Variants in BABAM2 observed in about 807,000 individuals in gnomAD.
The protein encoded by BABAM2 is BRISC and BRCA1 A complex member 2, also known as BRISC and BRCA1-A complex member 2.
In BABAM2, 31 loss-of-function variants were observed where a neutral mutation model predicts 54.7. The observed-to-expected ratio is 0.57, with a 90% CI of 0.43 to 0.77. BABAM2 has a LOEUF of 0.77. BABAM2 is among the 30% of genes least tolerant of loss of function. The pLI, the probability that BABAM2 is intolerant of heterozygous loss-of-function variation, is 0.00. For missense variants in BABAM2, 364 were observed against 455.8 expected (o/e 0.80, Z 1.83); for synonymous variants, 167 against 162.9 (o/e 1.03, Z -0.19).
At chr2:27,914,322 A>G (rs1466237435) in intron 2 of BABAM2, among the ~76,000 whole-genome samples, 1 of 152,140 alleles carries the variant, frequency 6.6e-6, no homozygotes, top group Non-Finnish European at 1.5e-5. Flanking sequence ...AGCTCTTGTC[A>G]CAATATAGAA....
At chr2:28,027,453 C>A (rs1359965092) in intron 5 of BABAM2, among the ~76,000 whole-genome samples, 1 of 152,220 alleles carries the variant, frequency 6.6e-6, no homozygotes, top group Non-Finnish European at 1.5e-5. Flanking sequence ...TCCCTCATGT[C>A]CACTTACAGT....
In BABAM2 at chr2:28,267,438, T is replaced by TACAC. The variant is rs35450423; in HGVS notation, c.934+22601_934+22604dup. ...TACACTGACTAGACACACACACACA[T>TACAC]ACACACACACACACACACACACACA... On this transcript the variant is annotated intron_variant, in intron 10 of 11. Transcript: ENST00000379624. Among the ~76,000 whole-genome samples the TACAC allele has an allele frequency of 3.3e-3, 475 of 141,828 alleles. 3 individuals carry two copies. Among genetic ancestry groups the TACAC allele is most frequent in the African/African-American group, 7.6e-3 (282 of 37,040 alleles). The allele number at this position is 141,828 out of a possible 152,430, so 93.0% of individuals were successfully genotyped here. A position where few individuals can be genotyped will look rare whatever the true frequency, so the allele number is the denominator to read the frequency against.
chr2:28,125,624 A>C (rs1180461320), intron 6 of BABAM2, among the ~76,000 whole-genome samples: 2 of 152,164 alleles, frequency 1.3e-5, no homozygotes, highest in Admixed American at 6.5e-5. Flanking sequence ...TAATCTGTCA[A>C]ATTCTTTTGA....
chr2:27,890,313 C>A (rs1357104732), upstream of BABAM2: 2 of 1,613,858 alleles, frequency 1.2e-6, no homozygotes, highest in Admixed American at 3.3e-5. The surrounding 1 kb of genome is among the most constrained non-coding windows in gnomAD (Gnocchi z 4.8). Flanking sequence ...CCTCCTCTTG[C>A]CACTGCCTCT....
chr2:28,026,997 T>A (rs1197697989), intron 5 of BABAM2, among the ~76,000 whole-genome samples: 7 of 119,556 alleles, frequency 5.9e-5, no homozygotes, highest in East Asian at 2.1e-4. Context: ...TAAAAATATA[T>A]AAATATATAT....
intron 11 of BABAM2, chr2:28,310,228 G>C: frequency 2.0e-6 from 3 of 1,476,954 alleles, no homozygotes; most frequent in Non-Finnish European, 2.8e-6. Flanking sequence ...GAAAAGCCTG[G>C]CCATCAATTA....
At chr2:27,896,809 C>T in intron 2 of BABAM2, 1 of 234,330 alleles carries the variant, frequency 4.3e-6, no homozygotes, top group Non-Finnish European at 8.6e-6. Context: ...AGCTTGTGCC[C>T]AACTGGGTCC....
At chr2:28,083,329 C>T (rs1175014352) in intron 6 of BABAM2, among the ~76,000 whole-genome samples, 2 of 152,170 alleles carry the variant, frequency 1.3e-5, no homozygotes, top group African/African-American at 4.8e-5. Flanking sequence ...CCTCCTCAAC[C>T]CTCCTAATCA....
chr2:28,233,234 C>T, intron 7 of BABAM2: 1 of 471,402 alleles, frequency 2.1e-6, no homozygotes. Context: ...GCCAAGTGGT[C>T]CCTTTCATCT....
rs1558346677 is a variant in BABAM2, at chr2:28,112,144, TCTTTA to T, written c.571-17125_571-17121del. Among the ~76,000 whole-genome samples, 10 of 10,428 alleles carry T rather than the reference TCTTTA, an allele frequency of 9.6e-4. 1 individual carries two copies. The highest frequency in any genetic ancestry group is 1.3e-3 in the Non-Finnish European group (8 of 6,162). 6.8% of individuals were successfully genotyped at this position (10,428 alleles called of 152,430 possible). Reference sequence around the variant, plus strand: ...TTCTTTCTTTCTTTCTTTCTTTCTTTCTTTACCTCCCTCCCTCCCTCCCTCCCTCC... The same window carrying T: ...TTCTTTCTTTCTTTCTTTCTTTCTTTCCTCCCTCCCTCCCTCCCTCCCTCC... On this transcript the variant is annotated intron_variant, in intron 6 of 11. Coordinates refer to ENST00000379624, the MANE Select transcript of BABAM2 (RefSeq NM_199191.3).
chr2:28,100,256 C>T (rs980539997), intron 6 of BABAM2, among the ~76,000 whole-genome samples: 1 of 151,732 alleles, frequency 6.6e-6, no homozygotes, highest in South Asian at 2.1e-4. Flanking sequence ...GTCAGGAGTT[C>T]GAGACCAGCC....
At chr2:27,967,037 G>T (rs1036981968) in intron 3 of BABAM2, among the ~76,000 whole-genome samples, 14 of 152,132 alleles carry the variant, frequency 9.2e-5, no homozygotes, top group African/African-American at 3.1e-4. Context: ...GTCATGAATA[G>T]ATATCAAAAA....
intron 3 of BABAM2, among the ~76,000 whole-genome samples, chr2:27,933,779 T>G (rs530437256): frequency 6.7e-6 from 1 of 149,666 alleles, no homozygotes; most frequent in Admixed American, 6.6e-5. Context: ...TTTTTTTTTT[T>G]TTTTTTTTGA....
chr2:28,178,850 A>T (rs571303478), intron 7 of BABAM2, among the ~76,000 whole-genome samples: 2 of 152,244 alleles, frequency 1.3e-5, no homozygotes, highest in South Asian at 4.1e-4. Flanking sequence ...ATCAGATTCT[A>T]TTATGAGCAA....
intron 2 of BABAM2, among the ~76,000 whole-genome samples, chr2:27,915,850 A>C (rs964603603): frequency 7.9e-5 from 12 of 151,550 alleles, no homozygotes; most frequent in Non-Finnish European, 1.3e-4. Context: ...CTCTCTCTCT[A>C]CTTTTTCATT....
At chr2:28,083,067 T>G (rs1461937921) in intron 6 of BABAM2, among the ~76,000 whole-genome samples, 1 of 152,212 alleles carries the variant, frequency 6.6e-6, no homozygotes, top group Non-Finnish European at 1.5e-5. Flanking sequence ...TTCATCCTTC[T>G]TCAGCCTGTT....
Position 28,322,149 on chromosome 2 carries a change from A to G in BABAM2, c.1089-16301A>G, listed in dbSNP as rs545715300. On this transcript the variant is annotated intron_variant, in intron 11 of 11. Transcript: ENST00000379624. This position sits in a 1 kb window ranked among gnomAD's most constrained non-coding sequence, Gnocchi z 4.1. ...GAACTCAGAAGCCTCCAGTGTTTAT[A>G]CCACTGAGACTGGGGCAGAGTAGTC... is the stretch of plus-strand genomic sequence containing the variant. 2.0e-5 allele frequency among the ~76,000 whole-genome samples: 3 copies of G among 152,172 alleles called. No individual in the cohort carries two copies. The highest frequency in any genetic ancestry group is 2.0e-4 in the Admixed American group (3 of 15,278).
chr2:27,960,167 T>C (rs1001760656), intron 3 of BABAM2, among the ~76,000 whole-genome samples: 1 of 152,200 alleles, frequency 6.6e-6, no homozygotes, highest in Non-Finnish European at 1.5e-5. Flanking sequence ...CTTATCCAGT[T>C]ACTGGGCATT....
chr2:28,253,117 G>A (rs1204982627), intron 10 of BABAM2, among the ~76,000 whole-genome samples: 3 of 152,130 alleles, frequency 2.0e-5, no homozygotes, highest in Non-Finnish European at 4.4e-5. Context: ...CAGGTATGGA[G>A]TGAAGGCTGA....
Sources: allele counts gnomAD v4.1 joint callset (sites outside exome capture counted in the v4.1 genomes callset), GRCh38; gene constraint gnomAD v4.1.1; non-coding constraint Gnocchi (gnomAD v3.1); transcripts MANE v1.5; gene names NCBI Gene and HGNC (gene_info 2026-07-23, HGNC 2026-07-21).